The following PCDH15 variants were observed in gnomAD, a reference collection of about 807,000 sequenced individuals.
The protein encoded by PCDH15 is protocadherin-15.
In PCDH15, 129 loss-of-function variants were observed where a neutral mutation model predicts 178.5. That is an observed-to-expected ratio of 0.72 (90% CI 0.63 to 0.84). The LOEUF (loss-of-function observed/expected upper bound fraction) is 0.84, where lower values mean the gene tolerates loss of function less well. Ranked by LOEUF, PCDH15 falls within the 40% of genes least tolerant of loss-of-function variation. PCDH15 has a pLI of 0.00. For missense variants in PCDH15, 2,230 were observed against 2,099.9 expected (o/e 1.06, Z -1.21); for synonymous variants, 800 against 732.0 (o/e 1.09, Z -1.50).
intron 3 of PCDH15, among the ~76,000 whole-genome samples, chr10:54,826,718 C>G (rs1001524506): frequency 6.6e-6 from 1 of 151,656 alleles, no homozygotes. Flanking sequence ...TGCCAAGACT[C>G]ATTATTTTTA....
At chr10:54,840,887 T>C (rs1467635536) in intron 3 of PCDH15, among the ~76,000 whole-genome samples, 1 of 151,834 alleles carries the variant, frequency 6.6e-6, no homozygotes, top group Non-Finnish European at 1.5e-5. Context: ...ATAATGATTG[T>C]AAATATATAT....
chr10:54,517,758 A>AT lies in PCDH15; in HGVS notation c.157+10053dup, dbSNP rs558627139. Among the ~76,000 whole-genome samples the AT allele has an allele frequency of 2.7e-3, 404 of 152,190 alleles. 1 individual carries two copies. The highest frequency in any genetic ancestry group is 4.1e-3 in the Non-Finnish European group (280 of 68,018). ...TTCACCCCAAATCAACAGAATATACATTTTTTTCAGCACCACACCACACCT... is the reference window on the plus strand; with the variant it reads ...TTCACCCCAAATCAACAGAATATACATTTTTTTTCAGCACCACACCACACCT... On this transcript the variant is annotated intron_variant, in intron 3 of 37. Coordinates refer to ENST00000644397, the MANE Select transcript of PCDH15 (RefSeq NM_001384140.1).
chr10:54,317,199 A>G, intron 8 of PCDH15, 72 bp downstream of exon 8: 1 of 1,511,450 alleles, frequency 6.6e-7, no homozygotes, highest in Non-Finnish European at 9.2e-7. Context: ...ATATGTCTAC[A>G]AAATACTTGA....
chr10:54,465,613 A>G (rs1008319447), intron 3 of PCDH15, among the ~76,000 whole-genome samples: 3 of 152,024 alleles, frequency 2.0e-5, no homozygotes, highest in African/African-American at 7.2e-5. Flanking sequence ...TTGTGTGCCA[A>G]TACCATATCT....
At chr10:54,804,060 G>A (rs1449347414), upstream of PCDH15, among the ~76,000 whole-genome samples, 1 of 149,554 alleles carries the variant, frequency 6.7e-6, no homozygotes, top group Non-Finnish European at 1.5e-5. Context: ...TTTTTTTTGA[G>A]ATGGAGTCTT....
intron 1 of PCDH15, among the ~76,000 whole-genome samples, chr10:54,794,134 T>C (rs1564468691): frequency 6.8e-6 from 1 of 147,470 alleles, no homozygotes; most frequent in Non-Finnish European, 1.5e-5. Context: ...AAGATATATA[T>C]ATATCTTATA....
chr10:54,719,093 C>A (rs2095515015), intron 1 of PCDH15, among the ~76,000 whole-genome samples: 1 of 150,222 alleles, frequency 6.7e-6, no homozygotes, highest in African/African-American at 2.5e-5. Context: ...CAATGAAATC[C>A]AAGACAAAGC....
chr10:54,105,136 C>T (rs1253840788), intron 15 of PCDH15, among the ~76,000 whole-genome samples: 3 of 150,840 alleles, frequency 2.0e-5, no homozygotes, highest in Non-Finnish European at 4.4e-5. Context: ...TCCAGAAACC[C>T]CAAAACCAAT....
intron 2 of PCDH15, among the ~76,000 whole-genome samples, chr10:55,362,083 T>C (rs774394001): frequency 6.6e-5 from 10 of 152,116 alleles, no homozygotes; most frequent in Non-Finnish European, 1.2e-4. Context: ...CTGTGGCTAT[T>C]TAAGACATAG....
chr10:54,062,249 AAAAC>A (rs2094040043), intron 18 of PCDH15, among the ~76,000 whole-genome samples: 2 of 116,380 alleles, frequency 1.7e-5, no homozygotes, highest in Admixed American at 9.4e-5. Context: ...AAAAAAAAAA[AAAAC>A]AAAAAACAAC....
intron 8 of PCDH15, among the ~76,000 whole-genome samples, chr10:54,253,265 G>A (rs2056642641): frequency 6.6e-6 from 1 of 151,910 alleles, no homozygotes; most frequent in Non-Finnish European, 1.5e-5. Flanking sequence ...CTTCAATATA[G>A]GCGAGAATAT....
chr10:55,177,768 GAA>G (rs1312322374), intron 1 of PCDH15, among the ~76,000 whole-genome samples: 12 of 152,250 alleles, frequency 7.9e-5, no homozygotes, highest in Non-Finnish European at 1.8e-4. Flanking sequence ...TGGGGAACCT[GAA>G]CATGACTGCA....
Position 54,424,114 on chromosome 10 carries a change from T to A in PCDH15, c.158-45172A>T, listed in dbSNP as rs1381917864. Among the ~76,000 whole-genome samples the A allele has an allele frequency of 2.6e-5, 4 of 151,980 alleles. No homozygotes were observed. The East Asian group carries it at 7.7e-4, about 29-fold the overall frequency. ...GGGAGAAAAGTTTGCAATCTACTTATCTGACAAAGGGCTAATATCCAGAAT... is the reference window on the plus strand; with the variant it reads ...GGGAGAAAAGTTTGCAATCTACTTAACTGACAAAGGGCTAATATCCAGAAT... On this transcript the variant is annotated intron_variant, in intron 3 of 37. Transcript: ENST00000644397.
intron 8 of PCDH15, among the ~76,000 whole-genome samples, chr10:54,294,973 T>G (rs1319836181): frequency 6.6e-6 from 1 of 152,200 alleles, no homozygotes; most frequent in Non-Finnish European, 1.5e-5. Flanking sequence ...GCCTATGAAT[T>G]GGTAATTGTT....
At chr10:55,133,229 T>C (rs957389648) in intron 2 of PCDH15, among the ~76,000 whole-genome samples, 1 of 152,178 alleles carries the variant, frequency 6.6e-6, no homozygotes, top group Non-Finnish European at 1.5e-5. Flanking sequence ...TCACTATTGG[T>C]GTCAAGGTCA....
intron 2 of PCDH15, among the ~76,000 whole-genome samples, chr10:55,435,768 A>C (rs985596174): frequency 5.3e-5 from 8 of 152,198 alleles, no homozygotes; most frequent in Middle Eastern, 3.2e-3. Flanking sequence ...TGTCGTAAAA[A>C]GCCATAGATA....
chr10:54,057,282 T>C (rs2093914678), intron 18 of PCDH15, among the ~76,000 whole-genome samples: 1 of 152,224 alleles, frequency 6.6e-6, no homozygotes, highest in Non-Finnish European at 1.5e-5. Flanking sequence ...CCTTCTGCAC[T>C]ACCCTGGCAG....
chr10:55,355,114 C>T, intron 2 of PCDH15, among the ~76,000 whole-genome samples: 1 of 151,844 alleles, frequency 6.6e-6, no homozygotes, highest in East Asian at 1.9e-4. Flanking sequence ...GGTAGTATTC[C>T]AATGCATGGA....
At chr10:54,148,883 A>G (rs1177232656) in intron 14 of PCDH15, among the ~76,000 whole-genome samples, 1 of 151,956 alleles carries the variant, frequency 6.6e-6, no homozygotes, top group Admixed American at 6.6e-5. Flanking sequence ...TTACAAAAAC[A>G]TGTTTTCTCA....
Sources: allele counts gnomAD v4.1 joint callset (sites outside exome capture counted in the v4.1 genomes callset), GRCh38; gene constraint gnomAD v4.1.1; transcripts MANE v1.5; gene names NCBI Gene and HGNC (gene_info 2026-07-23, HGNC 2026-07-21).